The following SH3RF2 variants were observed in gnomAD, a reference collection of about 807,000 sequenced individuals.
SH3RF2 encodes the protein SH3 domain containing ring finger 2.
A neutral mutation model predicts 59.0 loss-of-function variants in SH3RF2; 43 were observed. The observed-to-expected ratio is 0.73, with a 90% CI of 0.57 to 0.94. SH3RF2 has a LOEUF of 0.94. Among genes scored for constraint, SH3RF2 ranks in the 40% least tolerant of loss-of-function variants. SH3RF2 has a pLI of 0.00. For synonymous variants in SH3RF2, 391 were observed against 391.5 expected (o/e 1.00, Z 0.01); for missense variants, 930 against 940.1 (o/e 0.99, Z 0.14).
At chr5:145,958,466 T>C (rs969850585) in intron 2 of SH3RF2, among the ~76,000 whole-genome samples, 3 of 152,222 alleles carry the variant, frequency 2.0e-5, no homozygotes, top group Admixed American at 1.3e-4. Context: ...CTCATGACTC[T>C]GCTTGAGGCC....
At chr5:146,000,349 A>G in intron 3 of SH3RF2, 22 bp downstream of exon 3, 1 of 1,608,766 alleles carries the variant, frequency 6.2e-7, no homozygotes, top group Non-Finnish European at 8.5e-7. Flanking sequence ...GGTGGCCACC[A>G]GAGTCACCTG....
At chr5:146,065,931 C>A (rs1382247202), downstream of SH3RF2, among the ~76,000 whole-genome samples, 1 of 152,222 alleles carries the variant, frequency 6.6e-6, no homozygotes, top group African/African-American at 2.4e-5. Flanking sequence ...GCTGGGATTA[C>A]AGGCGTGAGC....
rs1026964708 is a variant in SH3RF2 at position 146,056,023 on chromosome 5, C to T, written c.1365C>T (p.Tyr455=). The part of the protein sequence containing the change: ...SFPDSRSPGL[Y]TTWTLSTSSV... ...CAGACTCCCGGAGCCCTGGTCTCTA[C>T]ACCACATGGACGTTATCCACCTCCT... is the stretch of plus-strand genomic sequence containing the variant. Residue 455 remains tyrosine (Y), a synonymous_variant, in exon 8 of 10, where the codon TAC becomes TAT. Coordinates refer to ENST00000359120, the MANE Select transcript of SH3RF2 (RefSeq NM_152550.4). The T allele has an allele frequency of 5.0e-6, 8 of 1,614,252 alleles. No individual in the cohort carries two copies. The highest frequency in any genetic ancestry group is 1.1e-5 in the South Asian group (1 of 91,090).
At chr5:146,064,589 GAGAGAGAGA>G (rs1561772936), downstream of SH3RF2, among the ~76,000 whole-genome samples, 70 of 61,098 alleles carry the variant, frequency 1.1e-3, 12 homozygotes, top group East Asian at 0.022. Flanking sequence ...GGAAGGGGGA[GAGAGAGAGA>G]GAGAGAGAGA....
intron 7 of SH3RF2, among the ~76,000 whole-genome samples, chr5:146,055,356 T>C (rs765591803): frequency 2.6e-5 from 4 of 152,196 alleles, no homozygotes; most frequent in Non-Finnish European, 5.9e-5. Flanking sequence ...TAAGAGTACC[T>C]AGCTTAGAGG....
intron 5 of SH3RF2, among the ~76,000 whole-genome samples, chr5:146,015,389 A>G (rs772777231): frequency 1.3e-5 from 2 of 152,170 alleles, no homozygotes; most frequent in Admixed American, 6.5e-5. Context: ...AACTTTCTAC[A>G]TACACACTGC....
At chr5:146,066,714 G>A (rs536484075), downstream of SH3RF2, among the ~76,000 whole-genome samples, 2 of 152,264 alleles carry the variant, frequency 1.3e-5, no homozygotes, top group South Asian at 2.1e-4. Flanking sequence ...GGGTTTAAAT[G>A]TAGCAATGGA....
intron 2 of SH3RF2, among the ~76,000 whole-genome samples, chr5:145,954,107 C>G (rs1758301659): frequency 6.6e-6 from 1 of 152,174 alleles, no homozygotes; most frequent in Non-Finnish European, 1.5e-5. Flanking sequence ...GGTACTTCTG[C>G]TTTTAGCTCT....
intron 3 of SH3RF2, among the ~76,000 whole-genome samples, chr5:146,002,701 A>C (rs1310466232): frequency 6.6e-6 from 1 of 152,136 alleles, no homozygotes; most frequent in Non-Finnish European, 1.5e-5. Context: ...GCTGCTCCCC[A>C]TGGGTCGCAT....
intron 2 of SH3RF2, among the ~76,000 whole-genome samples, chr5:145,988,736 T>C (rs1484065527): frequency 6.6e-6 from 1 of 152,218 alleles, no homozygotes; most frequent in Non-Finnish European, 1.5e-5. Flanking sequence ...GTAAGATCAC[T>C]GTGAGCTTTC....
chr5:145,965,958 GCCAA>G (rs1758841305), intron 2 of SH3RF2, among the ~76,000 whole-genome samples: 1 of 152,184 alleles, frequency 6.6e-6, no homozygotes, highest in Admixed American at 6.5e-5. Context: ...GTCTGAACGA[GCCAA>G]CCAAAGAGTT....
chr5:146,006,612 G>A (rs978549737), intron 4 of SH3RF2, among the ~76,000 whole-genome samples: 12 of 152,086 alleles, frequency 7.9e-5, no homozygotes, highest in African/African-American at 2.9e-4. Context: ...GAAAAAGGAA[G>A]TACCAGAGCT....
At chr5:146,069,157 G>A (rs929376182) in intron 9 of SH3RF2, among the ~76,000 whole-genome samples, 2 of 152,194 alleles carry the variant, frequency 1.3e-5, no homozygotes, top group African/African-American at 4.8e-5. Context: ...TATTCTGCCT[G>A]AAGATTTGAG....
Position 146,060,236 on chromosome 5 carries a change from G to C in SH3RF2, c.1914+12G>C. Reference sequence around the variant, plus strand: ...ATGGCATCGAAAAGGTAGGATCAGAGTGACATTGGGGGCCCAACTCTTTCG... The same window carrying C: ...ATGGCATCGAAAAGGTAGGATCAGACTGACATTGGGGGCCCAACTCTTTCG... On this transcript the variant is annotated intron_variant, in intron 9 of 9. Transcript: ENST00000359120. 1 of 1,582,728 alleles carries C rather than the reference G, an allele frequency of 6.3e-7. No individual in the cohort carries two copies. Among genetic ancestry groups the C allele is most frequent in the Admixed American group, 1.8e-5 (1 of 57,088 alleles).
At chr5:146,064,848 GAA>G (rs1383075328), downstream of SH3RF2, among the ~76,000 whole-genome samples, 1 of 16,942 alleles carries the variant, frequency 5.9e-5, no homozygotes, top group Non-Finnish European at 8.9e-4. Flanking sequence ...AAGAAAGAAA[GAA>G]AGAAAGAAAG....
At chr5:145,980,689 A>G (rs1759473924) in intron 2 of SH3RF2, among the ~76,000 whole-genome samples, 1 of 152,210 alleles carries the variant, frequency 6.6e-6, no homozygotes, top group African/African-American at 2.4e-5. Flanking sequence ...CTCACTGTGA[A>G]ATTTTAAGCT....
chr5:146,033,748 G>A (rs1402026060), intron 5 of SH3RF2, among the ~76,000 whole-genome samples: 2 of 152,136 alleles, frequency 1.3e-5, no homozygotes, highest in African/African-American at 2.4e-5. Flanking sequence ...GAGATTACAG[G>A]CGTGAGCCAC....
At chr5:146,026,959 T>C (rs1259649453) in intron 5 of SH3RF2, among the ~76,000 whole-genome samples, 1 of 152,222 alleles carries the variant, frequency 6.6e-6, no homozygotes, top group Non-Finnish European at 1.5e-5. Flanking sequence ...TCTGTTGTTA[T>C]TATTATCATT....
intron 5 of SH3RF2, among the ~76,000 whole-genome samples, chr5:146,038,943 G>A (rs1214182508): frequency 6.6e-6 from 1 of 152,198 alleles, no homozygotes; most frequent in East Asian, 1.9e-4. Context: ...AGCTAATTAA[G>A]ATGGCATGGA....
Sources: allele counts gnomAD v4.1 joint callset (sites outside exome capture counted in the v4.1 genomes callset), GRCh38; gene constraint gnomAD v4.1.1; transcripts MANE v1.5; gene names NCBI Gene and HGNC (gene_info 2026-07-23, HGNC 2026-07-21).